Variants in PLCG2 observed in about 807,000 individuals in gnomAD.
PLCG2 encodes the protein 1-phosphatidylinositol 4,5-bisphosphate phosphodiesterase gamma-2.
Under a neutral mutation model 175.6 loss-of-function variants are expected in PLCG2, and 69 were observed. That is an observed-to-expected ratio of 0.39 (90% CI 0.32 to 0.48). PLCG2 has a LOEUF of 0.48. Among genes scored for constraint, PLCG2 ranks in the 20% least tolerant of loss-of-function variants. The probability of loss-of-function intolerance (pLI) is 0.91; values close to 1 mark genes in which losing one functional copy is unlikely to be tolerated. For synonymous variants in PLCG2, 827 were observed against 624.0 expected (o/e 1.33, Z -4.85); for missense variants, 1,798 against 1,650.9 (o/e 1.09, Z -1.54).
chr16:81,820,780 C>T (rs1205027700), intron 2 of PLCG2, among the ~76,000 whole-genome samples: 1 of 151,914 alleles, frequency 6.6e-6, no homozygotes, highest in African/African-American at 2.4e-5. Context: ...ACCATCATGC[C>T]TGGCTAATTT....
At chr16:81,881,545 A>C (rs575910872) in intron 8 of PLCG2, among the ~76,000 whole-genome samples, 1 of 152,248 alleles carries the variant, frequency 6.6e-6, no homozygotes, top group Non-Finnish European at 1.5e-5. Flanking sequence ...GGTCTGGGGT[A>C]CGTTGATCCA....
intron 2 of PLCG2, among the ~76,000 whole-genome samples, chr16:81,829,760 A>AT (rs1243489662): frequency 1.3e-5 from 2 of 152,086 alleles, no homozygotes; most frequent in Non-Finnish European, 2.9e-5. Flanking sequence ...GACAAGAGCC[A>AT]TTTTGTCCAC....
intron 14 of PLCG2, among the ~76,000 whole-genome samples, chr16:81,903,438 A>G (rs1258549245): frequency 1.3e-5 from 2 of 152,242 alleles, no homozygotes; most frequent in African/African-American, 4.8e-5. Context: ...GTGTTTGGCC[A>G]AGACTGTGAC....
At chr16:81,790,328 T>A (rs1305897954) in intron 2 of PLCG2, among the ~76,000 whole-genome samples, 5 of 152,266 alleles carry the variant, frequency 3.3e-5, no homozygotes, top group African/African-American at 1.2e-4. Flanking sequence ...GTGATTGGAT[T>A]TGCATCTTTG....
rs4258608 is a variant in PLCG2, at chr16:81,937,977, A to T, written c.3198+74A>T. 1.2e-5 allele frequency: 17 copies of T among 1,444,492 alleles called. No individual in the cohort carries two copies. In the African/African-American group the frequency reaches 2.0e-4, roughly 17 times the overall value. 89.5% of individuals were successfully genotyped at this position (1,444,492 alleles called of 1,614,324 possible). ...GGGGCTGGGCCGATGCTGTCTTGAG[A>T]GCAGGGAACCCATGTCTAGGGAGGC... On this transcript the variant is annotated intron_variant, in intron 28 of 32. Transcript: ENST00000564138.
rs1906515212 is a variant in PLCG2 at position 81,853,328 on chromosome 16, C to G, written c.194-1116C>G. 3.2e-5 allele frequency among the ~76,000 whole-genome samples: 3 copies of G among 92,308 alleles called. No individual in the cohort carries two copies. The South Asian group carries it at 9.6e-4, about 30-fold the overall frequency. 60.6% of individuals were successfully genotyped at this position (92,308 alleles called of 152,430 possible). On this transcript the variant is annotated intron_variant, in intron 2 of 32. Coordinates refer to ENST00000564138, the MANE Select transcript of PLCG2 (RefSeq NM_002661.5). ...ACTGGGTGACAGAGTGAGATTCTGTCTCAAAAAAAAAAAACAAAACAACAA... is the reference window on the plus strand; with the variant it reads ...ACTGGGTGACAGAGTGAGATTCTGTGTCAAAAAAAAAAAACAAAACAACAA...
At chr16:81,780,150 G>T (rs1328212491) in intron 1 of PLCG2, among the ~76,000 whole-genome samples, 1 of 152,166 alleles carries the variant, frequency 6.6e-6, no homozygotes, top group Admixed American at 6.5e-5. Context: ...AAACTATGGG[G>T]GGCGGGGTGG....
At chr16:81,946,470 G>C (rs1056421854) in intron 31 of PLCG2, among the ~76,000 whole-genome samples, 1 of 152,148 alleles carries the variant, frequency 6.6e-6, no homozygotes, top group Non-Finnish European at 1.5e-5. Flanking sequence ...CCTGGAGAAT[G>C]CTGTGTGATT....
At chr16:81,949,664 G>C (rs530393089) in intron 31 of PLCG2, among the ~76,000 whole-genome samples, 1 of 152,322 alleles carries the variant, frequency 6.6e-6, no homozygotes, top group Non-Finnish European at 1.5e-5. Flanking sequence ...AGGGAAACCA[G>C]TGAATAATTA....
upstream of PLCG2, among the ~76,000 whole-genome samples, chr16:81,776,064 G>A (rs1483131575): frequency 1.7e-5 from 1 of 57,198 alleles, no homozygotes; most frequent in Non-Finnish European, 4.1e-5. Context: ...AACCCACAGA[G>A]TGGTTTCTTT....
chr16:81,877,732 C>T (rs557910633), intron 7 of PLCG2, among the ~76,000 whole-genome samples: 10 of 152,268 alleles, frequency 6.6e-5, no homozygotes, highest in South Asian at 6.2e-4. Context: ...CATCACTCCT[C>T]GGCATGTAGG....
chr16:81,824,949 C>T (rs1350581612), intron 2 of PLCG2, among the ~76,000 whole-genome samples: 2 of 152,148 alleles, frequency 1.3e-5, no homozygotes, highest in African/African-American at 4.8e-5. Flanking sequence ...GGTAGGAGGT[C>T]ACAGTCAGGG....
At chr16:81,794,130 C>T (rs1444950285) in intron 2 of PLCG2, among the ~76,000 whole-genome samples, 4 of 152,078 alleles carry the variant, frequency 2.6e-5, no homozygotes, top group African/African-American at 9.7e-5. Context: ...CAGTGCTCAT[C>T]CTAGAGGCGC....
At chr16:81,948,969 A>G (rs1466886493) in intron 31 of PLCG2, among the ~76,000 whole-genome samples, 2 of 152,212 alleles carry the variant, frequency 1.3e-5, no homozygotes, top group East Asian at 3.8e-4. Context: ...TCTTTCAAAG[A>G]CATCCAAGGA....
chr16:81,899,776 G>A (rs1328089771), intron 13 of PLCG2, among the ~76,000 whole-genome samples: 5 of 152,312 alleles, frequency 3.3e-5, no homozygotes, highest in Admixed American at 6.5e-5. Flanking sequence ...GTTCAGGCAC[G>A]AATTACAGTG....
At chr16:81,950,494 A>T (rs1017362378) in intron 31 of PLCG2, among the ~76,000 whole-genome samples, 6 of 152,362 alleles carry the variant, frequency 3.9e-5, no homozygotes, top group African/African-American at 1.2e-4. Flanking sequence ...TGTATATAAG[A>T]AATCAGCAAA....
chr16:81,783,077 AGT>A (rs1910811340), intron 1 of PLCG2: 1 of 466,254 alleles, frequency 2.1e-6, no homozygotes, highest in Admixed American at 2.3e-5. Flanking sequence ...GCCCTCCCAG[AGT>A]GAGGGCTGGA....
intron 31 of PLCG2, among the ~76,000 whole-genome samples, chr16:81,947,487 T>A (rs1911197018): frequency 6.6e-6 from 1 of 152,192 alleles, no homozygotes; most frequent in Admixed American, 6.5e-5. Context: ...GACCTGGGCT[T>A]TCTCCTTAAT....
At chr16:81,758,467 T>A (rs1333148369) in intron 2 of PLCG2, among the ~76,000 whole-genome samples, 2 of 152,212 alleles carry the variant, frequency 1.3e-5, no homozygotes, top group Non-Finnish European at 1.5e-5. Flanking sequence ...AACATTTATG[T>A]GTAAGTGTTT....
Sources: allele counts gnomAD v4.1 joint callset (sites outside exome capture counted in the v4.1 genomes callset), GRCh38; gene constraint gnomAD v4.1.1; transcripts MANE v1.5; gene names NCBI Gene and HGNC (gene_info 2026-07-23, HGNC 2026-07-21).